Variants in RNF217 observed in about 807,000 individuals in gnomAD.
RNF217 encodes the protein E3 ubiquitin-protein ligase RNF217.
A neutral mutation model predicts 57.8 loss-of-function variants in RNF217; 31 were observed. The ratio of observed to expected loss-of-function variants is 0.54; its 90% CI spans 0.40 to 0.72. The LOEUF is 0.72. Among genes scored for constraint, RNF217 ranks in the 30% least tolerant of loss-of-function variants. The probability of loss-of-function intolerance (pLI) is 0.00; values close to 1 mark genes in which losing one functional copy is unlikely to be tolerated. For synonymous variants in RNF217, 313 were observed against 294.0 expected, an observed-to-expected ratio of 1.06 and a Z score of -0.66; for missense variants, 696 against 708.3, an observed-to-expected ratio of 0.98 and a Z score of 0.20.
chr6:124,991,413 T>A (rs1412176612), intron 1 of RNF217, among the ~76,000 whole-genome samples: 1 of 152,236 alleles, frequency 6.6e-6, no homozygotes, highest in Non-Finnish European at 1.5e-5. Flanking sequence ...TAGCAACCCA[T>A]GTATACATGC....
chr6:125,046,730 G>A (rs967476687), intron 2 of RNF217: 1 of 454,502 alleles, frequency 2.2e-6, no homozygotes, highest in Non-Finnish European at 4.4e-6. Flanking sequence ...GCTTTGAGGG[G>A]ACCATGGTTT....
Position 125,090,450 on chromosome 6 carries a change from A to G in RNF217, c.*7513A>G, listed in dbSNP as rs975144459. 6.6e-6 allele frequency: 1 copy of G among 151,954 alleles called. No homozygotes were observed. Among genetic ancestry groups the G allele is most frequent in the Non-Finnish European group, 1.5e-5 (1 of 67,886 alleles). The allele number at this position is 151,954 out of a possible 1,614,324, so 9.4% of individuals were successfully genotyped here. On this transcript the variant is annotated 3_prime_UTR_variant, in exon 6 of 6. Coordinates refer to ENST00000521654, the MANE Select transcript of RNF217 (RefSeq NM_001286398.3). ...TGTATATCTATTTCAAAACTGTGGG[A>G]CAATTATTCATTCTTTTCCCAAATA...
Position 125,086,621 on chromosome 6 carries a change from G to A in RNF217, c.*3684G>A, listed in dbSNP as rs574911503. On this transcript the variant is annotated 3_prime_UTR_variant, in exon 6 of 6. Transcript: ENST00000521654. The stretch of plus-strand genomic sequence containing the variant: ...TGATTTGGTGGGATAATTATAAATC[G>A]TGGAATAATTTATATATGTGGAGTA... 4 of 152,028 alleles carry A rather than the reference G, an allele frequency of 2.6e-5. No homozygotes were observed. The highest frequency in any genetic ancestry group is 1.3e-4 in the Admixed American group (2 of 15,232). The allele number at this position is 152,028 out of a possible 1,614,324, so 9.4% of individuals were successfully genotyped here. A position where few individuals can be genotyped will look rare whatever the true frequency, so the allele number is the denominator to read the frequency against.
At chr6:124,986,015 C>T (rs1433298266) in intron 1 of RNF217, among the ~76,000 whole-genome samples, 3 of 152,064 alleles carry the variant, frequency 2.0e-5, no homozygotes, top group Non-Finnish European at 2.9e-5. Context: ...AGAGATGAGG[C>T]GGGCCTTTGG....
rs1273184181 is a variant in RNF217, at chr6:125,082,924, G to T, written c.1616G>T (p.Gly539Val). ...CKKQRKRSRT[G>V]MHW ...AAACAGAGAAAACGATCACGGACAG[G>T]TATGCACTGGTAACATGCAGATGAT... Residue 539 changes from glycine (G) to valine (V), a missense_variant, in exon 6 of 6, where the codon GGT becomes GTT. By Grantham distance (109) the Gly-to-Val change is moderately radical (BLOSUM62 -3). Transcript: ENST00000521654. The T allele has an allele frequency of 1.2e-6, 2 of 1,600,126 alleles. No individual in the cohort carries two copies. Among genetic ancestry groups the T allele is most frequent in the African/African-American group, 2.7e-5 (2 of 73,826 alleles).
chr6:125,060,157 T>G (rs1787677059), intron 3 of RNF217, among the ~76,000 whole-genome samples: 1 of 152,150 alleles, frequency 6.6e-6, no homozygotes, highest in African/African-American at 2.4e-5. Flanking sequence ...TTTTATACTG[T>G]AAGGCTTTCT....
intron 4 of RNF217, among the ~76,000 whole-genome samples, chr6:125,080,205 C>T (rs573700874): frequency 1.3e-5 from 2 of 152,172 alleles, no homozygotes; most frequent in African/African-American, 4.8e-5. Flanking sequence ...TAAGAGTGTA[C>T]TAAACGTAAT....
At chr6:125,020,584 C>A (rs773102568) in intron 1 of RNF217, among the ~76,000 whole-genome samples, 19 of 151,878 alleles carry the variant, frequency 1.3e-4, no homozygotes, top group Middle Eastern at 3.4e-3. Context: ...TTAAATTGCC[C>A]TGCTTTCTGA....
At chr6:125,082,554 T>C (rs146398866) in intron 5 of RNF217, 9 of 1,612,034 alleles carry the variant, frequency 5.6e-6, no homozygotes, top group Admixed American at 1.7e-5. Flanking sequence ...CTATACTGCC[T>C]GAAACAAGTG....
intron 2 of RNF217, among the ~76,000 whole-genome samples, chr6:125,057,484 C>T (rs149512223): frequency 9.1e-4 from 138 of 152,182 alleles, no homozygotes; most frequent in African/African-American, 3.3e-3. Flanking sequence ...ACCCAGACTG[C>T]TACTGTGTTT....
chr6:125,031,197 A>T (rs1786342862), intron 1 of RNF217, among the ~76,000 whole-genome samples: 1 of 152,136 alleles, frequency 6.6e-6, no homozygotes, highest in Admixed American at 6.5e-5. Flanking sequence ...AGCCCACGAA[A>T]CCACTTTTTC....
At chr6:125,061,299 G>A (rs1787724082) in intron 3 of RNF217, among the ~76,000 whole-genome samples, 1 of 151,590 alleles carries the variant, frequency 6.6e-6, no homozygotes, top group South Asian at 2.1e-4. Context: ...GAAAGTTTGA[G>A]GACCTGTTTC....
chr6:125,009,156 C>T, intron 1 of RNF217: 5 of 1,470,630 alleles, frequency 3.4e-6, no homozygotes, highest in Admixed American at 4.5e-5. Flanking sequence ...GCCATTTTTT[C>T]TCTTCTCATA....
chr6:125,009,026 C>T (rs1214457957), intron 1 of RNF217: 2 of 371,886 alleles, frequency 5.4e-6, no homozygotes, highest in Non-Finnish European at 9.5e-6. Context: ...TAATTTTATA[C>T]CTCATTACAT....
rs757752805 is a variant in RNF217 at position 124,994,144 on chromosome 6, T to C, written c.882+30718T>C. Among the ~76,000 whole-genome samples the C allele has an allele frequency of 8.4e-4, 128 of 152,138 alleles. 2 individuals carry two copies. The highest frequency in any genetic ancestry group is 2.2e-4 in the Non-Finnish European group (15 of 68,030). ...TAGCCTAGAGAAAAAAAAATATGTA[T>C]ATAAGGGATGTGTGTGTATCTTTTT... is the stretch of plus-strand genomic sequence containing the variant. On this transcript the variant is annotated intron_variant, in intron 1 of 5. Transcript: ENST00000521654.
rs1355050459 is a variant in RNF217 at position 124,963,016 on chromosome 6, G to A, written c.472G>A (p.Ala158Thr). Reference sequence around the variant, plus strand: ...GCTGGGTCAGCGGCGCCCGTCCCTCGCCAAGAGACAAGTCTTCTGCTCCGT... The same window carrying A: ...GCTGGGTCAGCGGCGCCCGTCCCTCACCAAGAGACAAGTCTTCTGCTCCGT... The part of the protein sequence containing the change: ...DVLGQRRPSL[A>T]KRQVFCSVYC... Residue 158 changes from alanine (A) to threonine (T), a missense_variant, in exon 1 of 6, where the codon GCC (alanine) becomes ACC (threonine). Physicochemically the swap from Ala to Thr is moderately conservative, Grantham distance 58 (BLOSUM62 0). This residue lies in a region of RNF217 where 465 missense variants were observed against 386.8 expected (regional missense o/e 1.20). Coordinates refer to ENST00000521654, the MANE Select transcript of RNF217 (RefSeq NM_001286398.3). 6.3e-7 allele frequency: 1 copy of A among 1,594,412 alleles called. No individual in the cohort carries two copies. Among genetic ancestry groups the A allele is most frequent in the Non-Finnish European group, 8.5e-7 (1 of 1,178,152 alleles).
At chr6:125,071,594 G>T (rs1042631293) in intron 3 of RNF217, among the ~76,000 whole-genome samples, 1 of 148,276 alleles carries the variant, frequency 6.7e-6, no homozygotes, top group African/African-American at 2.5e-5. Context: ...CACAAAAATG[G>T]CTCCTTGTGT....
At chr6:124,968,944 A>G (rs954090280) in intron 1 of RNF217, among the ~76,000 whole-genome samples, 1 of 152,242 alleles carries the variant, frequency 6.6e-6, no homozygotes, top group Non-Finnish European at 1.5e-5. Flanking sequence ...GATAAGCACC[A>G]TGAGATACTC....
intron 3 of RNF217, among the ~76,000 whole-genome samples, chr6:125,070,885 C>T (rs1174820915): frequency 1.3e-5 from 2 of 152,102 alleles, no homozygotes; most frequent in African/African-American, 4.8e-5. Context: ...ACTTAGTTAT[C>T]AAATGCTGCT....
Sources: gnomAD v4.1 joint callset for allele counts (sites outside exome capture counted in the v4.1 genomes callset) on GRCh38, gnomAD v4.1.1 for gene constraint, gnomAD v4.1.1 regional missense constraint, MANE v1.5 for transcripts, NCBI Gene and HGNC (gene_info 2026-07-23, HGNC 2026-07-21) for gene names.